VWA8: variants seen among roughly 807,000 people sequenced by gnomAD.
The protein encoded by VWA8 is von Willebrand factor A domain containing 8, also known as von Willebrand factor A domain-containing protein 8.
In VWA8, 221 loss-of-function variants were observed where a neutral mutation model predicts 241.5. The ratio of observed to expected loss-of-function variants is 0.91; its 90% CI spans 0.82 to 1.02. VWA8 has a LOEUF of 1.02. Ranked by LOEUF, VWA8 falls within the 50% of genes least tolerant of loss-of-function variation. The pLI is 0.00. For missense variants in VWA8, 2,322 were observed against 2,328.7 expected, an observed-to-expected ratio of 1.00 and a Z score of 0.06; for synonymous variants, 852 against 827.1, an observed-to-expected ratio of 1.03 and a Z score of -0.52.
chr13:41,738,914 C>T (rs1276125056), intron 21 of VWA8, among the ~76,000 whole-genome samples: 1 of 152,112 alleles, frequency 6.6e-6, no homozygotes, highest in East Asian at 1.9e-4. Flanking sequence ...ACACTGTATC[C>T]ACTGCATAAA....
intron 9 of VWA8, among the ~76,000 whole-genome samples, chr13:41,872,483 A>C (rs1873678106): frequency 6.6e-6 from 1 of 151,728 alleles, no homozygotes. Context: ...TGATTTTTGT[A>C]TAAGGTGTAA....
chr13:41,866,587 CA>C (rs1197382900), intron 10 of VWA8, among the ~76,000 whole-genome samples: 1 of 152,024 alleles, frequency 6.6e-6, no homozygotes, highest in Non-Finnish European at 1.5e-5. Context: ...ATCATTATTA[CA>C]AATCTTCCAA....
chr13:41,838,276 G>A (rs1871834658), intron 12 of VWA8, among the ~76,000 whole-genome samples: 1 of 152,078 alleles, frequency 6.6e-6, no homozygotes, highest in Non-Finnish European at 1.5e-5. Flanking sequence ...AAGTGGTTGT[G>A]TGTACAGTAT....
intron 2 of VWA8, among the ~76,000 whole-genome samples, chr13:41,919,577 A>T (rs1469927849): frequency 6.6e-6 from 1 of 151,966 alleles, no homozygotes; most frequent in Non-Finnish European, 1.5e-5. Flanking sequence ...GGTAGCCCCC[A>T]ATCCCTGAAT....
intron 37 of VWA8, among the ~76,000 whole-genome samples, chr13:41,662,179 C>T (rs1393542370): frequency 6.6e-6 from 1 of 152,016 alleles, no homozygotes; most frequent in South Asian, 2.1e-4. Flanking sequence ...TAAACAAAAT[C>T]CTGCAGAGAT....
chr13:41,911,324 A>G (rs1245866279), intron 3 of VWA8, among the ~76,000 whole-genome samples: 1 of 152,166 alleles, frequency 6.6e-6, no homozygotes, highest in African/African-American at 2.4e-5. Context: ...TCAGCCTCCC[A>G]AAGGGCTGGG....
chr13:41,568,207 G>A lies in VWA8; in HGVS notation c.5708C>T (p.Ser1903Leu), dbSNP rs373531885. The A allele has an allele frequency of 1.1e-5, 17 of 1,613,528 alleles. No homozygotes were observed. Among genetic ancestry groups the A allele is most frequent in the Admixed American group, 5.0e-5 (3 of 59,986 alleles). The change falls in exon 45 of 45, where the codon TCG (serine) becomes TTG (leucine). Residue 1903 changes from serine (S) to leucine (L), a missense_variant. By Grantham distance (145) the Ser-to-Leu change is moderately radical. Transcript: ENST00000379310. ...LQQIFTSTML[S>L]SV ...GATGAAGGGCACTTCTTAGACACTC[G>A]ACAACATGGTGGAGGTGAAGATCTG...
rs563019053 is a variant in VWA8 at position 41,623,473 on chromosome 13, A to C, written c.4612-8389T>G. ...TGCAAACTAACTGATTCATGTATTA[A>C]GGGATGAATGAGAGGCAGCAGGGCA... On this transcript the variant is annotated intron_variant, in intron 37 of 44. Coordinates refer to ENST00000379310, the MANE Select transcript of VWA8 (RefSeq NM_015058.2). Among the ~76,000 whole-genome samples, 3 of 152,342 alleles carry C rather than the reference A, an allele frequency of 2.0e-5. No individual in the cohort carries two copies. In the South Asian group the frequency reaches 6.2e-4, roughly 32 times the overall value.
chr13:41,690,309 ATT>A, intron 32 of VWA8, 34 bp from the exon 33 acceptor site: 1 of 1,576,292 alleles, frequency 6.3e-7, no homozygotes, highest in Non-Finnish European at 8.6e-7. Context: ...CTTAAGTGAA[ATT>A]TTTCTTTTTC....
intron 2 of VWA8, among the ~76,000 whole-genome samples, chr13:41,931,279 TAAAA>T (rs67470859): frequency 0.25 from 22,575 of 90,262 alleles, 2,371 homozygotes; most frequent in Middle Eastern, 0.3. Context: ...GACCCAGGGT[TAAAA>T]AAAAAAAAAA....
chr13:41,657,444 A>C (rs968077541), intron 37 of VWA8, among the ~76,000 whole-genome samples: 2 of 152,094 alleles, frequency 1.3e-5, no homozygotes, highest in African/African-American at 4.8e-5. Context: ...TCACATAAAT[A>C]ATAAGTCCTC....
intron 40 of VWA8, among the ~76,000 whole-genome samples, chr13:41,601,083 T>G (rs560770160): frequency 2.0e-5 from 3 of 152,218 alleles, no homozygotes; most frequent in East Asian, 3.9e-4. Context: ...TGTGCCCTCT[T>G]CTGGGGCGTT....
At chr13:41,573,940 G>A (rs919773042) in intron 43 of VWA8, among the ~76,000 whole-genome samples, 24 of 152,016 alleles carry the variant, frequency 1.6e-4, no homozygotes, top group Non-Finnish European at 2.8e-4. Context: ...TAATTTAATT[G>A]TACATTTAAA....
At chr13:41,631,993 T>C (rs1301141729) in intron 37 of VWA8, among the ~76,000 whole-genome samples, 3 of 152,194 alleles carry the variant, frequency 2.0e-5, no homozygotes, top group Non-Finnish European at 4.4e-5. Flanking sequence ...GTCTACCCTT[T>C]CTATTTTTGC....
At chr13:41,767,362 A>G (rs909866711) in intron 20 of VWA8, among the ~76,000 whole-genome samples, 3 of 152,210 alleles carry the variant, frequency 2.0e-5, no homozygotes, top group Non-Finnish European at 2.9e-5. Flanking sequence ...TATCCCTCTC[A>G]GGTGGGAATT....
At position 41,634,439 on chromosome 13, in the gene VWA8, T is replaced by C. The variant is rs74990237; in HGVS notation, c.4612-19355A>G. On this transcript the variant is annotated intron_variant, in intron 37 of 44. Coordinates refer to ENST00000379310, the MANE Select transcript of VWA8 (RefSeq NM_015058.2). ...CACTTTATACCCAATTTTTGACGTA[T>C]TCTGACATGTCTTAGCATTATTTTT... Among the ~76,000 whole-genome samples, 1,404 of 152,294 alleles carry C rather than the reference T, an allele frequency of 9.2e-3. 20 individuals carry two copies. The highest frequency in any genetic ancestry group is 0.032 in the African/African-American group (1,343 of 41,562).
chr13:41,646,697 A>G (rs2044834642), intron 37 of VWA8, among the ~76,000 whole-genome samples: 2 of 152,272 alleles, frequency 1.3e-5, no homozygotes, highest in African/African-American at 2.4e-5. Context: ...AATATGCCTG[A>G]AAGGCAAGCA....
intron 12 of VWA8, among the ~76,000 whole-genome samples, chr13:41,839,249 G>A (rs1178875867): frequency 6.6e-6 from 1 of 152,154 alleles, no homozygotes; most frequent in Admixed American, 6.5e-5. Context: ...AATGACCGGT[G>A]ATGATGAGCT....
At chr13:41,916,292 T>G (rs1036339105) in intron 2 of VWA8, among the ~76,000 whole-genome samples, 8 of 152,222 alleles carry the variant, frequency 5.3e-5, no homozygotes, top group Non-Finnish European at 1.0e-4. Context: ...AAACCAAGAT[T>G]TATACCTAAG....
Sources: allele counts gnomAD v4.1 joint callset (sites outside exome capture counted in the v4.1 genomes callset), GRCh38; gene constraint gnomAD v4.1.1; transcripts MANE v1.5; gene names NCBI Gene and HGNC (gene_info 2026-07-23, HGNC 2026-07-21).